IQCH: variants seen among roughly 807,000 people sequenced by gnomAD.
IQCH encodes the protein IQ domain-containing protein H.
In IQCH, 98 loss-of-function variants were observed where a neutral mutation model predicts 117.0. That is an observed-to-expected ratio of 0.84 (90% CI 0.71 to 0.99). The LOEUF (loss-of-function observed/expected upper bound fraction) is 0.99. IQCH is among the 50% of genes least tolerant of loss of function. The pLI is 0.00. For synonymous variants in IQCH, 412 were observed against 448.2 expected (o/e 0.92, Z 1.02); for missense variants, 1,102 against 1,243.8 (o/e 0.89, Z 1.72).
In IQCH at chr15:67,465,779, A is replaced by G. The variant is rs1478470411; in HGVS notation, c.2676+482A>G. On this transcript the variant is annotated intron_variant, in intron 17 of 20. Transcript: ENST00000335894. The surrounding 1 kb of genome is among the most constrained non-coding windows in gnomAD (Gnocchi z 5.9). ...GCCAGAGGCTGATAAGATAACCCCCAGCCCCACATCCAGTCAGCAAGCAGG... is the reference window on the plus strand; with the variant it reads ...GCCAGAGGCTGATAAGATAACCCCCGGCCCCACATCCAGTCAGCAAGCAGG... Among the ~76,000 whole-genome samples the G allele has an allele frequency of 3.9e-5, 6 of 152,128 alleles. No individual in the cohort carries two copies. The highest frequency in any genetic ancestry group is 1.2e-4 in the African/African-American group (5 of 41,434).
rs1042250855 is a variant in IQCH, at chr15:67,472,447, G to A, written c.2677-3249G>A. On this transcript the variant is annotated intron_variant, in intron 17 of 20. Transcript: ENST00000335894. The surrounding 1 kb of genome is among the most constrained non-coding windows in gnomAD (Gnocchi z 4.3). Reference sequence around the variant, plus strand: ...GACACAGACCAACCTGTGTTAGGGGGAAATGATTAATCCGGTGATACTGTT... The same window carrying A: ...GACACAGACCAACCTGTGTTAGGGGAAAATGATTAATCCGGTGATACTGTT... Among the ~76,000 whole-genome samples, 3 of 152,308 alleles carry A rather than the reference G, an allele frequency of 2.0e-5. No individual in the cohort carries two copies.
chr15:67,478,698 G>A (rs2083268919), intron 18 of IQCH, among the ~76,000 whole-genome samples: 2 of 151,960 alleles, frequency 1.3e-5, no homozygotes. Context: ...GGCCAGGGCG[G>A]GCAGATCACG....
chr15:67,400,113 G>A lies in IQCH; in HGVS notation c.1906-1G>A, dbSNP rs200932526. On this transcript the variant is annotated splice_acceptor_variant, in intron 13 of 20. Transcript: ENST00000335894. LOFTEE classifies it high-confidence loss of function. ...ATGCAGCTGTGTCTTTGGCCTCACA[G>A]ATGATAGAGCAGCTGAGTCAGCTGA... The A allele has an allele frequency of 1.2e-5, 20 of 1,613,130 alleles. No homozygotes were observed. Among genetic ancestry groups the A allele is most frequent in the Non-Finnish European group, 2.5e-6 (3 of 1,179,324 alleles).
At position 67,403,120 on chromosome 15, in the gene IQCH, C is replaced by T. The variant is rs1260480744; in HGVS notation, c.2097+2815C>T. 6.6e-6 allele frequency among the ~76,000 whole-genome samples: 1 copy of T among 151,908 alleles called. No homozygotes were observed. Among genetic ancestry groups the T allele is most frequent in the Non-Finnish European group, 1.5e-5 (1 of 67,994 alleles). On this transcript the variant is annotated intron_variant, in intron 14 of 20. Transcript: ENST00000335894. This position sits in a 1 kb window ranked among gnomAD's most constrained non-coding sequence, Gnocchi z 4.8. ...AAAAAATTAGTCGGGGCTGGTGGTG[C>T]ATGCCTGTAGTACCAGCTACTTGGG...
intron 8 of IQCH, among the ~76,000 whole-genome samples, chr15:67,368,433 AG>A (rs1438698675): frequency 3.3e-5 from 5 of 152,228 alleles, no homozygotes; most frequent in African/African-American, 1.2e-4. Context: ...TTAAAAGCAG[AG>A]TCAGACAAAT....
intron 3 of IQCH, among the ~76,000 whole-genome samples, chr15:67,265,687 G>A (rs1965641256): frequency 6.6e-6 from 1 of 152,218 alleles, no homozygotes; most frequent in South Asian, 2.1e-4. Flanking sequence ...GAATCCCAGA[G>A]ATGGGAGACT....
Position 67,353,119 on chromosome 15 carries a change from C to T in IQCH, c.638-4226C>T, listed in dbSNP as rs534008065. 6.0e-5 allele frequency among the ~76,000 whole-genome samples: 9 copies of T among 150,768 alleles called. No individual in the cohort carries two copies. In the East Asian group the frequency reaches 1.8e-3, roughly 30 times the overall value. On this transcript the variant is annotated intron_variant, in intron 6 of 20. Coordinates refer to ENST00000335894, the MANE Select transcript of IQCH (RefSeq NM_001031715.3). ...CAAGATTGCTCCACTGCAATCCAGC[C>T]TGAGTGACAGAGCGAGACTCAGTCT...
intron 13 of IQCH, among the ~76,000 whole-genome samples, chr15:67,398,757 G>C (rs575233022): frequency 6.6e-6 from 1 of 152,022 alleles, no homozygotes; most frequent in East Asian, 1.9e-4. Flanking sequence ...TGGGCAAAGA[G>C]ATCTGATCAA....
intron 18 of IQCH, among the ~76,000 whole-genome samples, chr15:67,477,991 A>T (rs945121155): frequency 1.3e-5 from 2 of 152,202 alleles, no homozygotes; most frequent in African/African-American, 4.8e-5. Flanking sequence ...AGCAGATTTT[A>T]TAGGGGAAAC....
chr15:67,292,613 C>T (rs1254587363), intron 4 of IQCH, among the ~76,000 whole-genome samples: 1 of 152,132 alleles, frequency 6.6e-6, no homozygotes, highest in East Asian at 1.9e-4. Flanking sequence ...AACCACTTCT[C>T]CATCACTTAG....
Position 67,417,809 on chromosome 15 carries a change from A to G in IQCH, c.2218+758A>G, listed in dbSNP as rs1411942128. 6.6e-6 allele frequency among the ~76,000 whole-genome samples: 1 copy of G among 152,170 alleles called. No individual in the cohort carries two copies. The highest frequency in any genetic ancestry group is 1.5e-5 in the Non-Finnish European group (1 of 68,024). Reference sequence around the variant, plus strand: ...CAAGACATCTTACATGCTTACCCACATGCACAAGAAGAAAGGGTTAGTATA... The same window carrying G: ...CAAGACATCTTACATGCTTACCCACGTGCACAAGAAGAAAGGGTTAGTATA... On this transcript the variant is annotated intron_variant, in intron 15 of 20. Transcript: ENST00000335894. This position sits in a 1 kb window ranked among gnomAD's most constrained non-coding sequence, Gnocchi z 4.3.
chr15:67,478,653 C>T lies in IQCH; in HGVS notation c.2799+2835C>T, dbSNP rs879751179. On this transcript the variant is annotated intron_variant, in intron 18 of 20. Coordinates refer to ENST00000335894, the MANE Select transcript of IQCH (RefSeq NM_001031715.3). ...AGAAAAGGAACAGATAGGCTGGGCA[C>T]GGTGGCTCATGCCTGTAATCCCAGC... Among the ~76,000 whole-genome samples the T allele has an allele frequency of 3.4e-4, 51 of 151,984 alleles. 1 individual carries two copies. Among genetic ancestry groups the T allele is most frequent in the Admixed American group, 2.2e-3 (34 of 15,264 alleles).
chr15:67,281,547 T>C, intron 4 of IQCH: 1 of 358,602 alleles, frequency 2.8e-6, no homozygotes, highest in Non-Finnish European at 5.5e-6. Flanking sequence ...TGTGTGTAGA[T>C]GCAGCCTCCT....
At chr15:67,272,941 A>C (rs1419418864) in intron 3 of IQCH, among the ~76,000 whole-genome samples, 2 of 152,144 alleles carry the variant, frequency 1.3e-5, no homozygotes, top group African/African-American at 4.8e-5. Context: ...GTAAAGACTT[A>C]CCATTTTTAT....
chr15:67,488,603 C>G (rs2083558418), intron 18 of IQCH, among the ~76,000 whole-genome samples: 1 of 152,090 alleles, frequency 6.6e-6, no homozygotes, highest in South Asian at 2.1e-4. Flanking sequence ...CCAGCAATCC[C>G]CAACCTTTTT....
chr15:67,301,876 T>C (rs1229234005), intron 4 of IQCH, among the ~76,000 whole-genome samples: 1 of 152,194 alleles, frequency 6.6e-6, no homozygotes, highest in Non-Finnish European at 1.5e-5. Context: ...CCTCAAATGA[T>C]TGCTTTCGAA....
chr15:67,451,247 A>G (rs989779428), intron 16 of IQCH, among the ~76,000 whole-genome samples: 2 of 151,760 alleles, frequency 1.3e-5, no homozygotes, highest in Non-Finnish European at 2.9e-5. Flanking sequence ...GCTCTTAGTT[A>G]TTTCTTGCCT....
Position 67,388,190 on chromosome 15 carries a change from A to G in IQCH, c.1457-641A>G, listed in dbSNP as rs1971168125. 6.6e-6 allele frequency among the ~76,000 whole-genome samples: 1 copy of G among 152,196 alleles called. No individual in the cohort carries two copies. Among genetic ancestry groups the G allele is most frequent in the African/African-American group, 2.4e-5 (1 of 41,444 alleles). ...TAATTAGGGTTTCTTGCTATGTTAC[A>G]TGTAAGAAGCACATCTTAAGAAGGA... On this transcript the variant is annotated intron_variant, in intron 11 of 20. Coordinates refer to ENST00000335894, the MANE Select transcript of IQCH (RefSeq NM_001031715.3). The surrounding 1 kb of genome is among the most constrained non-coding windows in gnomAD (Gnocchi z 5.5).
intron 16 of IQCH, among the ~76,000 whole-genome samples, chr15:67,429,558 A>G (rs901978192): frequency 2.6e-5 from 4 of 152,214 alleles, no homozygotes; most frequent in African/African-American, 9.6e-5. Flanking sequence ...TTCTAATCAG[A>G]AAAAAATACA....
Sources: gnomAD v4.1 joint callset for allele counts (sites outside exome capture counted in the v4.1 genomes callset) on GRCh38, gnomAD v4.1.1 for gene constraint, Gnocchi (gnomAD v3.1) non-coding constraint, MANE v1.5 for transcripts, NCBI Gene and HGNC (gene_info 2026-07-23, HGNC 2026-07-21) for gene names.